ITGB1: variants seen among roughly 807,000 people sequenced by gnomAD.
The protein encoded by ITGB1 is integrin beta-1.
In ITGB1, 24 loss-of-function variants were observed where a neutral mutation model predicts 86.5. The observed-to-expected ratio is 0.28, with a 90% confidence interval of 0.20 to 0.39. ITGB1 has a LOEUF of 0.39. Ranked by LOEUF, ITGB1 falls within the 10% of genes least tolerant of loss-of-function variation. The pLI is 1.00. For synonymous variants in ITGB1, 323 were observed against 316.8 expected (o/e 1.02, Z -0.21); for missense variants, 556 against 946.9 (o/e 0.59, Z 5.42).
intron 13 of ITGB1, among the ~76,000 whole-genome samples, chr10:32,911,087 A>G (rs534778652): frequency 2.0e-5 from 3 of 152,342 alleles, no homozygotes; most frequent in African/African-American, 7.2e-5. Flanking sequence ...TAATCCTTCA[A>G]GAGGAAAAAT....
At chr10:32,954,832 T>C (rs1197685822) in intron 1 of ITGB1, among the ~76,000 whole-genome samples, 2 of 152,224 alleles carry the variant, frequency 1.3e-5, no homozygotes, top group Non-Finnish European at 1.5e-5. Flanking sequence ...CGCTTAAGCA[T>C]ATTGCTAAAT....
intron 1 of ITGB1, among the ~76,000 whole-genome samples, chr10:32,949,581 T>TA (rs1234285885): frequency 6.6e-6 from 1 of 152,198 alleles, no homozygotes; most frequent in African/African-American, 2.4e-5. Context: ...GGTCATTTTT[T>TA]ACCATATGAA....
chr10:32,907,319 A>T (rs1310391474), intron 15 of ITGB1, among the ~76,000 whole-genome samples: 1 of 152,178 alleles, frequency 6.6e-6, no homozygotes, highest in African/African-American at 2.4e-5. Flanking sequence ...CTAACTACAA[A>T]ATTCATTTAC....
chr10:32,928,570 G>C lies in ITGB1; in HGVS notation c.377-306C>G, dbSNP rs1032189405. Among the ~76,000 whole-genome samples the C allele has an allele frequency of 1.8e-4, 28 of 152,160 alleles. 1 individual carries two copies. The highest frequency in any genetic ancestry group is 1.8e-3 in the Admixed American group (27 of 15,284). The stretch of plus-strand genomic sequence containing the variant: ...AAAACAAATAGAACACCATAAATTA[G>C]TCTGGAGAGGGCAAGGCAGAACACG... On this transcript the variant is annotated intron_variant, in intron 4 of 15. Coordinates refer to ENST00000302278, the MANE Select transcript of ITGB1 (RefSeq NM_002211.4).
At chr10:32,939,720 G>T (rs1455999021) in intron 1 of ITGB1, among the ~76,000 whole-genome samples, 1 of 87,368 alleles carries the variant, frequency 1.1e-5, no homozygotes, top group Non-Finnish European at 2.4e-5. Flanking sequence ...GGCTGGGTGG[G>T]TAAGTGAGTG....
chr10:32,911,940 AT>A lies in ITGB1; in HGVS notation c.1653del (p.Lys551AsnfsTer16). 1 of 1,614,064 alleles carries A rather than the reference AT, an allele frequency of 6.2e-7. No individual in the cohort carries two copies. The highest frequency in any genetic ancestry group is 8.5e-7 in the Non-Finnish European group (1 of 1,180,018). ...CAGTTGAAATTATCACACTCGCAGA[AT>A]TTGCCAGAATAAATTTCATTTGTAT... is the stretch of plus-strand genomic sequence containing the variant. ...RDNTNEIYSG[K>X]FCECDNFNCD... On this transcript the variant is annotated frameshift_variant, in exon 12 of 16. Coordinates refer to ENST00000302278, the MANE Select transcript of ITGB1 (RefSeq NM_002211.4). LOFTEE classifies it high-confidence loss of function.
intron 11 of ITGB1, among the ~76,000 whole-genome samples, chr10:32,917,294 T>C (rs529355187): frequency 6.6e-6 from 1 of 152,328 alleles, no homozygotes; most frequent in South Asian, 2.1e-4. Flanking sequence ...AAGGACTTCA[T>C]GACTAAAACA....
intron 15 of ITGB1, chr10:32,906,977 A>G (rs143283234): frequency 5.8e-4 from 344 of 598,026 alleles, no homozygotes; most frequent in Non-Finnish European, 8.4e-4. Context: ...TTAAAAAAAG[A>G]ACAGCAATAG....
chr10:32,943,897 G>A (rs2095024966), intron 1 of ITGB1, among the ~76,000 whole-genome samples: 1 of 152,214 alleles, frequency 6.6e-6, no homozygotes. Context: ...AAACTTTTGA[G>A]AAGTACGTAG....
intron 15 of ITGB1, chr10:32,906,609 AG>A: frequency 5.7e-6 from 1 of 175,696 alleles, no homozygotes; most frequent in South Asian, 1.1e-4. Flanking sequence ...ATAAATAAAC[AG>A]AAAAAGAACA....
chr10:32,938,352 T>C (rs1406189981), intron 1 of ITGB1, among the ~76,000 whole-genome samples: 1 of 152,212 alleles, frequency 6.6e-6, no homozygotes, highest in East Asian at 1.9e-4. Flanking sequence ...AAATATTTGT[T>C]CCATATATGG....
chr10:32,947,001 G>A (rs187645774), intron 1 of ITGB1, among the ~76,000 whole-genome samples: 10 of 151,966 alleles, frequency 6.6e-5, no homozygotes, highest in East Asian at 1.9e-4. Flanking sequence ...GTGCCACCAC[G>A]GCTGGCTAAT....
At chr10:32,903,656 T>C (rs148956089) in intron 15 of ITGB1, among the ~76,000 whole-genome samples, 1 of 152,206 alleles carries the variant, frequency 6.6e-6, no homozygotes, top group East Asian at 1.9e-4. Context: ...TTCAGAAACA[T>C]GGACAAACTC....
At chr10:32,918,506 C>A (rs1232011632) in intron 11 of ITGB1, among the ~76,000 whole-genome samples, 1 of 152,062 alleles carries the variant, frequency 6.6e-6, no homozygotes, top group Admixed American at 6.6e-5. Flanking sequence ...AGTGTACACA[C>A]ATGTGCAAGC....
chr10:32,921,222 A>G (rs183956598), intron 9 of ITGB1, among the ~76,000 whole-genome samples: 1 of 152,034 alleles, frequency 6.6e-6, no homozygotes, highest in African/African-American at 2.4e-5. Context: ...GGCTTGTTTA[A>G]CATATGAGAC....
intron 3 of ITGB1, 72 bp downstream of exon 3, chr10:32,932,443 T>C (rs2137232090): frequency 1.2e-6 from 1 of 822,870 alleles, no homozygotes; most frequent in Admixed American, 2.0e-5. Flanking sequence ...TATGTGCTTC[T>C]GAAGGATACA....
Position 32,941,034 on chromosome 10 carries a change from T to G in ITGB1, c.1-5476A>C, listed in dbSNP as rs148164142. On this transcript the variant is annotated intron_variant, in intron 1 of 15. Transcript: ENST00000302278. ...GTTTCAGTAATAAACAAGGACACAG[T>G]GCACTGAGGACACTGAAATCTGCCT... Among the ~76,000 whole-genome samples the G allele has an allele frequency of 1.3e-4, 20 of 152,262 alleles. No homozygotes were observed. In the East Asian group the frequency reaches 3.9e-3, roughly 29 times the overall value.
chr10:32,911,622 G>A lies in ITGB1; in HGVS notation c.1757C>T (p.Thr586Ile). 6.2e-7 allele frequency: 1 copy of A among 1,614,154 alleles called. No individual in the cohort carries two copies. Among genetic ancestry groups the A allele is most frequent in the South Asian group, 1.1e-5 (1 of 91,084 alleles). ...CAAAGAACAGTCACATGCACTGCCAGTGTAGTTGGGGTTGCACTCACACAC... is the reference window on the plus strand; with the variant it reads ...CAAAGAACAGTCACATGCACTGCCAATGTAGTTGGGGTTGCACTCACACAC... ...CRVCECNPNY[T>I]GSACDCSLDT... The change falls in exon 13 of 16, where the codon ACT becomes ATT. Residue 586 changes from threonine (T) to isoleucine (I), a missense_variant. Transcript: ENST00000302278.
At chr10:32,919,820 A>T in intron 11 of ITGB1, 65 bp downstream of exon 11, 1 of 1,426,354 alleles carries the variant, frequency 7.0e-7, no homozygotes, top group Non-Finnish European at 9.9e-7. Context: ...ATGTCCCAAA[A>T]TATGACCTGC....
Sources: gnomAD v4.1 joint callset for allele counts (sites outside exome capture counted in the v4.1 genomes callset) on GRCh38, gnomAD v4.1.1 for gene constraint, MANE v1.5 for transcripts, NCBI Gene and HGNC (gene_info 2026-07-23, HGNC 2026-07-21) for gene names.